SRBD1: variants seen among roughly 807,000 people sequenced by gnomAD.
SRBD1 encodes S1 RNA binding domain 1.
In SRBD1, 88 loss-of-function variants were observed where a neutral mutation model predicts 115.3. The observed-to-expected ratio is 0.76, with a 90% CI of 0.64 to 0.91. The LOEUF is 0.91. SRBD1 is among the 40% of genes least tolerant of loss of function. The pLI, the probability that SRBD1 is intolerant of heterozygous loss-of-function variation, is 0.00. For missense variants in SRBD1, 1,385 were observed against 1,177.4 expected (o/e 1.18, Z -2.58); for synonymous variants, 509 against 407.7 (o/e 1.25, Z -2.99).
At chr2:45,591,233 T>C (rs1219472600) in intron 4 of SRBD1, among the ~76,000 whole-genome samples, 1 of 152,144 alleles carries the variant, frequency 6.6e-6, no homozygotes, top group Non-Finnish European at 1.5e-5. Context: ...GATGGCAACA[T>C]GCAGATTGAT....
chr2:45,604,608 C>G (rs1674208699), intron 2 of SRBD1, among the ~76,000 whole-genome samples: 1 of 152,132 alleles, frequency 6.6e-6, no homozygotes, highest in Non-Finnish European at 1.5e-5. Flanking sequence ...CTTATTCCTG[C>G]CTCAGGGTCT....
Position 45,484,039 on chromosome 2 carries a change from A to AT in SRBD1, c.1966+4200dup, listed in dbSNP as rs201280528. Among the ~76,000 whole-genome samples the AT allele has an allele frequency of 3.4e-4, 51 of 150,318 alleles. No individual in the cohort carries two copies. In the Middle Eastern group the frequency reaches 0.014, roughly 40 times the overall value. On this transcript the variant is annotated intron_variant, in intron 15 of 20. Transcript: ENST00000263736. ...ATGTAAATATATCTCCAAATAAATA[A>AT]TTTTTTTTTTATTTCTCTGAGAATG...
chr2:45,425,791 G>A (rs1668135286), intron 16 of SRBD1, among the ~76,000 whole-genome samples: 1 of 152,110 alleles, frequency 6.6e-6, no homozygotes, highest in Non-Finnish European at 1.5e-5. Flanking sequence ...GAGGGACTGT[G>A]CTGTGAGGAA....
At chr2:45,417,789 C>A (rs1313873411) in intron 18 of SRBD1, among the ~76,000 whole-genome samples, 1 of 152,172 alleles carries the variant, frequency 6.6e-6, no homozygotes, top group Non-Finnish European at 1.5e-5. Flanking sequence ...GCTTAGGGAA[C>A]AGCTATGTCA....
chr2:45,522,955 G>A (rs1260330085), intron 14 of SRBD1, among the ~76,000 whole-genome samples: 1 of 151,862 alleles, frequency 6.6e-6, no homozygotes, highest in African/African-American at 2.4e-5. Context: ...ACACAGAGGG[G>A]GTCAACATCC....
chr2:45,605,512 G>C, intron 1 of SRBD1, 71 bp from the exon 2 acceptor site: 1 of 1,370,626 alleles, frequency 7.3e-7, no homozygotes, highest in Non-Finnish European at 1.0e-6. Flanking sequence ...ACAAGTAATG[G>C]GTCATTCAAA....
chr2:45,517,339 AT>A (rs1468669722), intron 14 of SRBD1, among the ~76,000 whole-genome samples: 1 of 152,088 alleles, frequency 6.6e-6, no homozygotes, highest in African/African-American at 2.4e-5. Flanking sequence ...AATATGTTTA[AT>A]TTCAATTAGA....
At chr2:45,554,828 G>A (rs1672421611) in intron 10 of SRBD1, among the ~76,000 whole-genome samples, 1 of 152,018 alleles carries the variant, frequency 6.6e-6, no homozygotes, top group East Asian at 1.9e-4. Flanking sequence ...GAATCACACA[G>A]ACCCTGTTAC....
intron 14 of SRBD1, among the ~76,000 whole-genome samples, chr2:45,531,309 A>G (rs1305859761): frequency 5.3e-5 from 8 of 151,908 alleles, no homozygotes; most frequent in Non-Finnish European, 8.8e-5. Flanking sequence ...AGTGAAAACA[A>G]TATTACAGAA....
intron 14 of SRBD1, among the ~76,000 whole-genome samples, chr2:45,526,101 G>A (rs887491558): frequency 6.6e-6 from 1 of 151,902 alleles, no homozygotes; most frequent in Admixed American, 6.6e-5. Flanking sequence ...CTACTTTTAG[G>A]TGTATACCTA....
In SRBD1 at chr2:45,426,173, C is replaced by T. The variant is rs529238965; in HGVS notation, c.2050-6279G>A. Among the ~76,000 whole-genome samples, 8 of 152,240 alleles carry T rather than the reference C, an allele frequency of 5.3e-5. No individual in the cohort carries two copies. In the South Asian group the frequency reaches 1.5e-3, roughly 28 times the overall value. ...CTAGAGCTTGGTGGGGGGAGAGGCACCCATCATTACTGAGGCTTGAGTAGG... is the reference window on the plus strand; with the variant it reads ...CTAGAGCTTGGTGGGGGGAGAGGCATCCATCATTACTGAGGCTTGAGTAGG... On this transcript the variant is annotated intron_variant, in intron 16 of 20. Coordinates refer to ENST00000263736, the MANE Select transcript of SRBD1 (RefSeq NM_018079.5).
intron 14 of SRBD1, among the ~76,000 whole-genome samples, chr2:45,497,602 C>T (rs968937282): frequency 6.6e-5 from 10 of 152,120 alleles, no homozygotes; most frequent in African/African-American, 1.9e-4. Context: ...CTTCTGGTCC[C>T]GGGCCCACAC....
At chr2:45,431,014 T>G (rs1668316084) in intron 16 of SRBD1, among the ~76,000 whole-genome samples, 1 of 152,152 alleles carries the variant, frequency 6.6e-6, no homozygotes, top group Admixed American at 6.5e-5. Context: ...AGAAGACATT[T>G]ATGCGGCCAA....
chr2:45,607,881 A>G (rs1381180745), intron 1 of SRBD1, among the ~76,000 whole-genome samples: 1 of 152,212 alleles, frequency 6.6e-6, no homozygotes, highest in East Asian at 1.9e-4. Context: ...TTCCGCCACT[A>G]AATTCCTAAA....
intron 19 of SRBD1, among the ~76,000 whole-genome samples, chr2:45,410,147 T>C (rs940394281): frequency 6.6e-6 from 1 of 152,210 alleles, no homozygotes. Flanking sequence ...GTAAGCACAT[T>C]AGAAAGTGTT....
chr2:45,414,657 TACAC>T (rs971854426), intron 18 of SRBD1, among the ~76,000 whole-genome samples: 5 of 150,194 alleles, frequency 3.3e-5, no homozygotes, highest in South Asian at 2.1e-4. Context: ...AGTATGCACA[TACAC>T]ACATAGTGTA....
chr2:45,404,576 T>C, intron 19 of SRBD1, among the ~76,000 whole-genome samples: 1 of 152,180 alleles, frequency 6.6e-6, no homozygotes, highest in South Asian at 2.1e-4. Context: ...TTTTAAAGTA[T>C]ATCCAGAATC....
chr2:45,556,131 T>G (rs997603903), intron 10 of SRBD1, among the ~76,000 whole-genome samples: 1 of 152,182 alleles, frequency 6.6e-6, no homozygotes, highest in Non-Finnish European at 1.5e-5. Context: ...AGTTTTTAAA[T>G]TTTAGTGGAA....
At chr2:45,480,974 T>C (rs1193920486) in intron 15 of SRBD1, among the ~76,000 whole-genome samples, 1 of 152,212 alleles carries the variant, frequency 6.6e-6, no homozygotes, top group Non-Finnish European at 1.5e-5. Context: ...GTTGTCTTAT[T>C]TTAAGAAACT....
Sources: gnomAD v4.1 joint callset for allele counts (sites outside exome capture counted in the v4.1 genomes callset) on GRCh38, gnomAD v4.1.1 for gene constraint, MANE v1.5 for transcripts, NCBI Gene and HGNC (gene_info 2026-07-23, HGNC 2026-07-21) for gene names.